Variants in MSRA observed in about 807,000 individuals in gnomAD.
The protein encoded by MSRA is methionine sulfoxide reductase A.
In MSRA, 54 loss-of-function variants were observed where a neutral mutation model predicts 31.3. The observed-to-expected ratio is 1.73, with a 90% confidence interval of 1.39 to 2.17. The LOEUF (loss-of-function observed/expected upper bound fraction) is 2.17. MSRA is among the 30% of genes most tolerant of loss of function. The pLI, the probability that MSRA is intolerant of heterozygous loss-of-function variation, is 0.00. For missense variants in MSRA, 507 were observed against 300.9 expected (o/e 1.69, Z -5.07); for synonymous variants, 169 against 116.5 (o/e 1.45, Z -2.90).
At chr8:10,076,662 A>G (rs1004489096) in intron 1 of MSRA, among the ~76,000 whole-genome samples, 10 of 152,132 alleles carry the variant, frequency 6.6e-5, no homozygotes, top group African/African-American at 2.4e-4. Context: ...TTTTGGCAGA[A>G]GAAAGAGTCA....
intron 5 of MSRA, among the ~76,000 whole-genome samples, chr8:10,356,545 T>A (rs1804518491): frequency 6.6e-6 from 1 of 152,170 alleles, no homozygotes. Flanking sequence ...CCACTCAAAT[T>A]CCTTTGTTGA....
At position 10,257,429 on chromosome 8, in the gene MSRA, G is replaced by A. The variant is rs577192516; in HGVS notation, c.331+12206G>A. 7.9e-5 allele frequency among the ~76,000 whole-genome samples: 12 copies of A among 152,212 alleles called. No individual in the cohort carries two copies. The South Asian group carries it at 2.5e-3, about 32-fold the overall frequency. On this transcript the variant is annotated intron_variant, in intron 3 of 5. Coordinates refer to ENST00000317173, the MANE Select transcript of MSRA (RefSeq NM_012331.5). ...ATTTAGTTTATTTATTTTTTGAGATGGAGTTTCGCTCTTGTTGCCCAGGCT... is the reference window on the plus strand; with the variant it reads ...ATTTAGTTTATTTATTTTTTGAGATAGAGTTTCGCTCTTGTTGCCCAGGCT...
At chr8:10,350,194 A>T (rs190504243) in intron 5 of MSRA, among the ~76,000 whole-genome samples, 247 of 152,372 alleles carry the variant, frequency 1.6e-3, no homozygotes, top group African/African-American at 5.7e-3. Context: ...TAAAGTTTGA[A>T]TTCTGATGCT....
intron 3 of MSRA, among the ~76,000 whole-genome samples, chr8:10,262,000 T>C (rs1798510357): frequency 6.6e-6 from 1 of 152,204 alleles, no homozygotes; most frequent in African/African-American, 2.4e-5. Flanking sequence ...AGATAGGTCT[T>C]TTTCACTTAG....
chr8:10,402,815 C>A (rs1439534151), intron 5 of MSRA, among the ~76,000 whole-genome samples: 1 of 152,184 alleles, frequency 6.6e-6, no homozygotes, highest in African/African-American at 2.4e-5. Context: ...CAGTAGGAGA[C>A]TTTCCAGACT....
At chr8:10,156,210 C>G (rs967321927) in intron 1 of MSRA, among the ~76,000 whole-genome samples, 1 of 152,200 alleles carries the variant, frequency 6.6e-6, no homozygotes, top group Admixed American at 6.5e-5. Flanking sequence ...GATTCCATAT[C>G]GAAACAAACA....
intron 1 of MSRA, among the ~76,000 whole-genome samples, chr8:10,114,856 G>T (rs1800563842): frequency 6.6e-6 from 1 of 152,158 alleles, no homozygotes; most frequent in Admixed American, 6.5e-5. Flanking sequence ...AGAAATCCCA[G>T]TGAAAAATTT....
intron 5 of MSRA, among the ~76,000 whole-genome samples, chr8:10,425,208 C>G (rs1433084628): frequency 6.6e-6 from 1 of 152,226 alleles, no homozygotes; most frequent in East Asian, 1.9e-4. Context: ...ACGCTCATCG[C>G]AGGCCGGTGG....
intron 1 of MSRA, among the ~76,000 whole-genome samples, chr8:10,115,424 G>C (rs903285380): frequency 6.6e-6 from 1 of 152,176 alleles, no homozygotes; most frequent in Non-Finnish European, 1.5e-5. Flanking sequence ...AGGAGGCAAG[G>C]AAAGATCCTT....
At chr8:10,390,448 C>A (rs1356162284) in intron 5 of MSRA, among the ~76,000 whole-genome samples, 2 of 152,194 alleles carry the variant, frequency 1.3e-5, no homozygotes, top group African/African-American at 4.8e-5. Context: ...CTGGCACTTG[C>A]CTCTTAGTCT....
chr8:10,084,047 C>G (rs181695743), intron 1 of MSRA, among the ~76,000 whole-genome samples: 45 of 152,296 alleles, frequency 3.0e-4, no homozygotes, highest in Admixed American at 2.9e-3. Flanking sequence ...TGTGCAAGGA[C>G]TTGTGCAGTG....
intron 5 of MSRA, among the ~76,000 whole-genome samples, chr8:10,345,646 AT>A (rs1310806225): frequency 6.6e-6 from 1 of 152,254 alleles, no homozygotes; most frequent in Non-Finnish European, 1.5e-5. Context: ...CCAAAAACTT[AT>A]GAGATGCTAA....
chr8:10,391,039 A>G (rs915510378), intron 5 of MSRA, among the ~76,000 whole-genome samples: 1 of 152,032 alleles, frequency 6.6e-6, no homozygotes, highest in Non-Finnish European at 1.5e-5. Flanking sequence ...AAACCTACCT[A>G]TTCTCAAATG....
chr8:10,124,523 AT>A (rs1801359720), intron 1 of MSRA, among the ~76,000 whole-genome samples: 1 of 152,250 alleles, frequency 6.6e-6, no homozygotes, highest in African/African-American at 2.4e-5. Context: ...GACTGGTGCC[AT>A]AATTGGAGCT....
At chr8:10,265,508 A>G (rs1266218455) in intron 3 of MSRA, among the ~76,000 whole-genome samples, 2 of 152,210 alleles carry the variant, frequency 1.3e-5, no homozygotes, top group Admixed American at 1.3e-4. Context: ...AACAAAGGTG[A>G]TGACTCAGCA....
chr8:10,367,860 C>T lies in MSRA; in HGVS notation c.543+47871C>T, dbSNP rs145184450. On this transcript the variant is annotated intron_variant, in intron 5 of 5. Coordinates refer to ENST00000317173, the MANE Select transcript of MSRA (RefSeq NM_012331.5). ...TCATGAGGAAGGCGTTCTAGTTTGCCTGAGAAGCCCAAGTGAGGGGGGAAA... is the reference window on the plus strand; with the variant it reads ...TCATGAGGAAGGCGTTCTAGTTTGCTTGAGAAGCCCAAGTGAGGGGGGAAA... Among the ~76,000 whole-genome samples, 558 of 152,304 alleles carry T rather than the reference C, an allele frequency of 3.7e-3. 5 individuals carry two copies. The highest frequency in any genetic ancestry group is 5.8e-3 in the Non-Finnish European group (394 of 68,024).
intron 1 of MSRA, among the ~76,000 whole-genome samples, chr8:10,088,311 A>T (rs1585120383): frequency 2.0e-5 from 3 of 152,284 alleles, no homozygotes; most frequent in South Asian, 4.1e-4. Flanking sequence ...CTTCCATATG[A>T]CCCAGTAATT....
chr8:10,360,522 A>G (rs938573615), intron 5 of MSRA, among the ~76,000 whole-genome samples: 1 of 152,220 alleles, frequency 6.6e-6, no homozygotes, highest in African/African-American at 2.4e-5. Flanking sequence ...CCATCATCCC[A>G]GAGCCCCCCA....
intron 5 of MSRA, among the ~76,000 whole-genome samples, chr8:10,342,200 C>G (rs1803471704): frequency 6.6e-6 from 1 of 152,236 alleles, no homozygotes; most frequent in Non-Finnish European, 1.5e-5. Flanking sequence ...GTCTCACAAG[C>G]ATGGCCTTGA....
Sources: allele counts gnomAD v4.1 joint callset (sites outside exome capture counted in the v4.1 genomes callset), GRCh38; gene constraint gnomAD v4.1.1; transcripts MANE v1.5; gene names NCBI Gene and HGNC (gene_info 2026-07-23, HGNC 2026-07-21).